Variants in ATAD5 observed in about 807,000 individuals in gnomAD.
The protein encoded by ATAD5 is ATPase family AAA domain containing 5, also known as ATPase family AAA domain-containing protein 5.
ATAD5 carries 58 observed loss-of-function variants against 176.9 expected under a neutral mutation model. The ratio of observed to expected loss-of-function variants is 0.33; its 90% CI spans 0.27 to 0.41. ATAD5 has a LOEUF of 0.41. Among genes scored for constraint, ATAD5 ranks in the 10% least tolerant of loss-of-function variants. ATAD5 has a pLI of 1.00. For missense variants in ATAD5, 1,789 were observed against 2,094.1 expected (o/e 0.85, Z 2.84); for synonymous variants, 640 against 712.6 (o/e 0.90, Z 1.62).
chr17:30,882,379 A>G, intron 18 of ATAD5, among the ~76,000 whole-genome samples: 1 of 152,110 alleles, frequency 6.6e-6, no homozygotes, highest in South Asian at 2.1e-4. Flanking sequence ...CCTGGGCAAC[A>G]TTGGCGAAAT....
chr17:30,852,934 G>A (rs895263937), intron 6 of ATAD5, among the ~76,000 whole-genome samples: 1 of 151,248 alleles, frequency 6.6e-6, no homozygotes. Flanking sequence ...TCTTGACCAG[G>A]CTGGAGTGCA....
At chr17:30,879,173 CA>C (rs917128571) in intron 17 of ATAD5, among the ~76,000 whole-genome samples, 29 of 152,028 alleles carry the variant, frequency 1.9e-4, no homozygotes, top group African/African-American at 6.5e-4. Context: ...CCCATCTCTA[CA>C]AAAAAACTTA....
At chr17:30,858,767 G>A (rs944456461) in intron 9 of ATAD5, among the ~76,000 whole-genome samples, 1 of 151,968 alleles carries the variant, frequency 6.6e-6, no homozygotes, top group Non-Finnish European at 1.5e-5. Flanking sequence ...TGCAACCTTC[G>A]CCTCCCGGGC....
chr17:30,879,191 A>T (rs1908865729), intron 17 of ATAD5, among the ~76,000 whole-genome samples: 1 of 152,130 alleles, frequency 6.6e-6, no homozygotes, highest in South Asian at 2.1e-4. Flanking sequence ...CTTAAAAATT[A>T]TCTGGGCATG....
rs995199514 is a variant in ATAD5, at chr17:30,895,010, T to C, written c.*97T>C. On this transcript the variant is annotated 3_prime_UTR_variant, in exon 23 of 23. Transcript: ENST00000321990. ...CTTCATGGAAAAGTATATTTCTCGA[T>C]GTACATTTTAAACAAACAATTTGTA... 1.7e-5 allele frequency: 13 copies of C among 751,870 alleles called. No individual in the cohort carries two copies. In the African/African-American group the frequency reaches 1.8e-4, roughly 11 times the overall value. 46.6% of individuals were successfully genotyped at this position (751,870 alleles called of 1,614,324 possible).
Position 30,835,776 on chromosome 17 carries a change from C to T in ATAD5, c.1695C>T (p.Thr565=). ...ACAATAATAAATTGTCAAGAAAAAC[C>T]AGCATACCAGTTAAAGATATTAAGC... is the stretch of plus-strand genomic sequence containing the variant. ...LCNNNKLSRK[T]SIPVKDIKLT... is the part of the protein sequence containing the mutation. The change falls in exon 2 of 23, where the codon ACC becomes ACT. Residue 565 remains threonine, a synonymous_variant. Coordinates refer to ENST00000321990, the MANE Select transcript of ATAD5 (RefSeq NM_024857.5). 1 of 1,613,406 alleles carries T rather than the reference C, an allele frequency of 6.2e-7. No homozygotes were observed. Among genetic ancestry groups the T allele is most frequent in the Non-Finnish European group, 8.5e-7 (1 of 1,179,844 alleles).
At chr17:30,877,701 T>G (rs560028432) in intron 16 of ATAD5, 152 bp downstream of exon 16, 1 of 791,610 alleles carries the variant, frequency 1.3e-6, no homozygotes, top group Admixed American at 3.3e-5. Flanking sequence ...AACTGTCCAC[T>G]CTAGAATAAT....
At chr17:30,840,522 G>A in intron 3 of ATAD5, 95 bp from the exon 4 acceptor site, 3 of 911,364 alleles carry the variant, frequency 3.3e-6, no homozygotes, top group Non-Finnish European at 4.6e-6. Flanking sequence ...TTTCTTTGTT[G>A]ATTATTTAAT....
intron 6 of ATAD5, among the ~76,000 whole-genome samples, chr17:30,846,573 T>G (rs910881566): frequency 2.0e-5 from 3 of 151,944 alleles, no homozygotes; most frequent in Admixed American, 6.6e-5. Context: ...CAGCTAATTT[T>G]TGTATTTTTA....
At chr17:30,857,463 G>C (rs757732849) in intron 8 of ATAD5, among the ~76,000 whole-genome samples, 3 of 152,050 alleles carry the variant, frequency 2.0e-5, no homozygotes, top group Non-Finnish European at 4.4e-5. Flanking sequence ...TGATTCCCCC[G>C]CCTCGGCCTC....
chr17:30,848,285 C>T (rs1238184831), intron 6 of ATAD5, among the ~76,000 whole-genome samples: 1 of 151,828 alleles, frequency 6.6e-6, no homozygotes, highest in African/African-American at 2.4e-5. Flanking sequence ...ACTCTGTCAT[C>T]CCCAGACTGG....
chr17:30,869,611 G>GT lies in ATAD5; in HGVS notation c.3579dup (p.Asn1194Ter). On this transcript the variant is annotated frameshift_variant, in exon 14 of 23. Transcript: ENST00000321990. LOFTEE classifies it high-confidence loss of function. ...CAAGGTGTAAACTCACAAAAACCCT[G>GT]TTTTTTTAATAGCTACTACATAGGC... 1 of 1,600,834 alleles carries GT rather than the reference G, an allele frequency of 6.2e-7. No individual in the cohort carries two copies. Among genetic ancestry groups the GT allele is most frequent in the Non-Finnish European group, 8.5e-7 (1 of 1,176,846 alleles).
intron 6 of ATAD5, among the ~76,000 whole-genome samples, chr17:30,850,084 T>C (rs1419928527): frequency 6.6e-6 from 1 of 152,014 alleles, no homozygotes; most frequent in Non-Finnish European, 1.5e-5. Context: ...ATGGCTGCAG[T>C]GAGCTGTAAT....
chr17:30,838,593 C>T (rs192925337), intron 3 of ATAD5, among the ~76,000 whole-genome samples: 60 of 152,236 alleles, frequency 3.9e-4, no homozygotes, highest in African/African-American at 1.3e-3. Flanking sequence ...GGAAAACATG[C>T]GAGATGCCAG....
Position 30,832,428 on chromosome 17 carries a change from A to G in ATAD5, c.66+15A>G. On this transcript the variant is annotated intron_variant, in intron 1 of 22. Transcript: ENST00000321990. The stretch of plus-strand genomic sequence containing the variant: ...GCGAGATTGAGGTGAGGTTGAGTCG[A>G]GGATCTGTTGAGTTCCTTCCTCTAT... 6.5e-7 allele frequency: 1 copy of G among 1,550,002 alleles called. No homozygotes were observed. Among genetic ancestry groups the G allele is most frequent in the Non-Finnish European group, 8.7e-7 (1 of 1,146,958 alleles).
intron 18 of ATAD5, among the ~76,000 whole-genome samples, chr17:30,881,917 C>A (rs762632988): frequency 6.7e-5 from 10 of 150,374 alleles, no homozygotes; most frequent in Non-Finnish European, 1.2e-4. Context: ...TGTCCCCCCC[C>A]CAAAAAAATA....
In ATAD5 at chr17:30,879,474, G is replaced by A. The variant is rs1187126817; in HGVS notation, c.4064G>A (p.Ser1355Asn). ...GGCTGCTTTGAAGAAATCAAGTTCA[G>A]TACTCCTTCCCTGGTAAGTTTTAAA... ...FDGCFEEIKF[S>N]TPSLLNVASY... Residue 1355 changes from serine (S) to asparagine (N), a missense_variant, in exon 18 of 23, where the codon AGT becomes AAT. Ser to Asn is a conservative substitution (Grantham distance 46). Coordinates refer to ENST00000321990, the MANE Select transcript of ATAD5 (RefSeq NM_024857.5). The A allele has an allele frequency of 1.0e-5, 16 of 1,590,324 alleles. No homozygotes were observed. In the Admixed American group the frequency reaches 3.0e-4, roughly 30 times the overall value.
At position 30,839,377 on chromosome 17, in the gene ATAD5, C is replaced by T. The variant is rs373967865; in HGVS notation, c.2077-1240C>T. On this transcript the variant is annotated intron_variant, in intron 3 of 22. Coordinates refer to ENST00000321990, the MANE Select transcript of ATAD5 (RefSeq NM_024857.5). ...TCTCGGCTCACTGCACTCTGCTTCA[C>T]GCCATTCTCCTGCCTTAGCCTCCTG... Among the ~76,000 whole-genome samples, 32 of 151,526 alleles carry T rather than the reference C, an allele frequency of 2.1e-4. 1 individual carries two copies. The South Asian group carries it at 3.3e-3, about 16-fold the overall frequency.
chr17:30,845,586 C>T (rs1342678283), intron 6 of ATAD5, among the ~76,000 whole-genome samples: 2 of 152,036 alleles, frequency 1.3e-5, no homozygotes, highest in Non-Finnish European at 2.9e-5. Context: ...GAGGTGGGTG[C>T]CAGCCAATGT....
Sources: allele counts gnomAD v4.1 joint callset (sites outside exome capture counted in the v4.1 genomes callset), GRCh38; gene constraint gnomAD v4.1.1; transcripts MANE v1.5; gene names NCBI Gene and HGNC (gene_info 2026-07-23, HGNC 2026-07-21).